Variants in CELF2 observed in about 807,000 individuals in gnomAD.
CELF2 encodes CUGBP Elav-like family member 2.
A neutral mutation model predicts 62.6 loss-of-function variants in CELF2; 8 were observed. The ratio of observed to expected loss-of-function variants is 0.13; its 90% CI spans 0.07 to 0.23. CELF2 has a LOEUF of 0.23. CELF2 is among the 10% of genes least tolerant of loss of function. CELF2 has a pLI of 1.00. For missense variants in CELF2, 333 were observed against 671.0 expected, an observed-to-expected ratio of 0.50 and a Z score of 5.56; for synonymous variants, 258 against 250.0, an observed-to-expected ratio of 1.03 and a Z score of -0.30.
intron 1 of CELF2, among the ~76,000 whole-genome samples, chr10:11,027,637 G>A (rs543991058): frequency 2.6e-5 from 4 of 152,256 alleles, no homozygotes; most frequent in African/African-American, 7.2e-5. Context: ...TGGATTGTTC[G>A]ACTTGCCCTG....
rs1271113480 is a variant in CELF2 at position 11,290,550 on chromosome 10, C to T, written c.976+1998C>T. Among the ~76,000 whole-genome samples, 9 of 151,684 alleles carry T rather than the reference C, an allele frequency of 5.9e-5. No individual in the cohort carries two copies. The highest frequency in any genetic ancestry group is 2.9e-5 in the Non-Finnish European group (2 of 67,950). On this transcript the variant is annotated intron_variant, in intron 9 of 12. Coordinates refer to ENST00000633077, the MANE Select transcript of CELF2 (RefSeq NM_001326342.2). This position sits in a 1 kb window ranked among gnomAD's most constrained non-coding sequence, Gnocchi z 4.3. ...AAAAAAAAAAAAAAAATGTGGGCCACTCAGACGGTCTAGGGCGACGGCCTA... is the reference window on the plus strand; with the variant it reads ...AAAAAAAAAAAAAAAATGTGGGCCATTCAGACGGTCTAGGGCGACGGCCTA...
chr10:11,183,368 T>C (rs983064102), intron 2 of CELF2, among the ~76,000 whole-genome samples: 1 of 152,330 alleles, frequency 6.6e-6, no homozygotes, highest in South Asian at 2.1e-4. Context: ...TGGGTTGTTG[T>C]CATTTGCTGA....
At position 10,847,205 on chromosome 10, in the gene CELF2, CAT is replaced by C. The variant is rs113383376; in HGVS notation, c.53+48401_53+48402del. 1.3e-3 allele frequency among the ~76,000 whole-genome samples: 193 copies of C among 149,032 alleles called. 1 individual carries two copies. The highest frequency in any genetic ancestry group is 6.0e-3 in the East Asian group (31 of 5,124). ...ATAATGTATGTTTTTTATATATACG[CAT>C]ATATATATATATGCACACACATCTA... On this transcript the variant is annotated intron_variant, in intron 1 of 13. Coordinates refer to the CELF2 transcript ENST00000636488.
chr10:11,124,003 T>G (rs575542696), intron 1 of CELF2, among the ~76,000 whole-genome samples: 12 of 152,208 alleles, frequency 7.9e-5, no homozygotes, highest in African/African-American at 2.9e-4. Context: ...TGAAAGTGAA[T>G]GAGGAGCAAA....
chr10:10,876,035 C>T (rs896095024), intron 1 of CELF2, among the ~76,000 whole-genome samples: 15 of 152,148 alleles, frequency 9.9e-5, no homozygotes, highest in African/African-American at 3.1e-4. Flanking sequence ...TTGCATATGG[C>T]GTTATGTGTA....
chr10:11,281,329 C>T (rs2088635208), intron 8 of CELF2, among the ~76,000 whole-genome samples: 1 of 152,158 alleles, frequency 6.6e-6, no homozygotes, highest in African/African-American at 2.4e-5. Flanking sequence ...GTTCAGGGGA[C>T]TGACGTGGGG....
intron 1 of CELF2, among the ~76,000 whole-genome samples, chr10:10,808,793 A>G (rs1334286016): frequency 6.6e-6 from 1 of 152,226 alleles, no homozygotes; most frequent in Non-Finnish European, 1.5e-5. Flanking sequence ...GAAGATTACT[A>G]AAAAGTAGAG....
chr10:10,700,639 C>G, the CELF2 span, among the ~76,000 whole-genome samples: 6 of 152,332 alleles, frequency 3.9e-5, no homozygotes, highest in East Asian at 9.7e-4. Context: ...TACTTTTACA[C>G]TCCCCACTCC....
chr10:10,804,509 A>T (rs2055005511), intron 1 of CELF2, among the ~76,000 whole-genome samples: 1 of 152,202 alleles, frequency 6.6e-6, no homozygotes, highest in African/African-American at 2.4e-5. Flanking sequence ...TTAGGAAAAA[A>T]CTTCAGAGGA....
At chr10:11,320,760 A>G (rs1235127080) in intron 10 of CELF2, 5 of 1,277,850 alleles carry the variant, frequency 3.9e-6, no homozygotes, top group South Asian at 1.3e-5. Context: ...AAGCTATCCC[A>G]TAGTTCCTCA....
At chr10:10,642,703 T>C in the CELF2 span, among the ~76,000 whole-genome samples, 2 of 152,224 alleles carry the variant, frequency 1.3e-5, no homozygotes, top group Non-Finnish European at 2.9e-5. Flanking sequence ...ATGCTTCCCC[T>C]AAAAATAGCA....
rs1485270726 is a variant in CELF2, at chr10:11,335,577, C to T, written c.*6524C>T. 1 of 152,260 alleles carries T rather than the reference C, an allele frequency of 6.6e-6. No homozygotes were observed. The highest frequency in any genetic ancestry group is 1.5e-5 in the Non-Finnish European group (1 of 68,064). The allele number at this position is 152,260 out of a possible 1,614,324, so 9.4% of individuals were successfully genotyped here. A position where few individuals can be genotyped will look rare whatever the true frequency, so the allele number is the denominator to read the frequency against. On this transcript the variant is annotated 3_prime_UTR_variant, in exon 13 of 13. Coordinates refer to ENST00000633077, the MANE Select transcript of CELF2 (RefSeq NM_001326342.2). This position sits in a 1 kb window ranked among gnomAD's most constrained non-coding sequence, Gnocchi z 5.0. ...TGATGGTGATGCCACCAGCTCCAGC[C>T]TGCACGGATGGAGCTCACTTCCTAC... is the stretch of plus-strand genomic sequence containing the variant.
chr10:10,555,808 G>A, the CELF2 span, among the ~76,000 whole-genome samples: 1 of 152,130 alleles, frequency 6.6e-6, no homozygotes, highest in Admixed American at 6.6e-5. Context: ...GTGAAGTTCA[G>A]TAAACTACAA....
At chr10:11,084,867 A>T (rs958792357) in intron 1 of CELF2, among the ~76,000 whole-genome samples, 1 of 152,222 alleles carries the variant, frequency 6.6e-6, no homozygotes, top group African/African-American at 2.4e-5. Context: ...TGCTAAGGTC[A>T]TCAGTATATA....
chr10:11,217,553 A>G lies in CELF2; in HGVS notation c.354+46A>G. On this transcript the variant is annotated intron_variant, in intron 3 of 12. Coordinates refer to ENST00000633077, the MANE Select transcript of CELF2 (RefSeq NM_001326342.2). This position sits in a 1 kb window ranked among gnomAD's most constrained non-coding sequence, Gnocchi z 5.6. ...ACCAGAATCACTTTATTGCTTGAAA[A>G]TGGTCCTTTCAACTGAAGGTTCTAG... 7.0e-6 allele frequency: 10 copies of G among 1,427,160 alleles called. No homozygotes were observed. The highest frequency in any genetic ancestry group is 9.8e-6 in the Non-Finnish European group (10 of 1,019,100). The allele number at this position is 1,427,160 out of a possible 1,614,324, so 88.4% of individuals were successfully genotyped here. A position where few individuals can be genotyped will look rare whatever the true frequency, so the allele number is the denominator to read the frequency against.
the CELF2 span, among the ~76,000 whole-genome samples, chr10:10,678,966 G>A: frequency 6.6e-6 from 1 of 152,126 alleles, no homozygotes; most frequent in Non-Finnish European, 1.5e-5. Flanking sequence ...CCAGAAAAGA[G>A]CAAATAAAAC....
chr10:10,475,519 T>A, the CELF2 span, among the ~76,000 whole-genome samples: 98 of 152,114 alleles, frequency 6.4e-4, no homozygotes, highest in African/African-American at 2.2e-3. Flanking sequence ...GATCAAGTTT[T>A]CAGGGTAGCA....
intron 9 of CELF2, among the ~76,000 whole-genome samples, chr10:11,291,154 C>T (rs577386406): frequency 6.6e-6 from 1 of 152,200 alleles, no homozygotes; most frequent in African/African-American, 2.4e-5. Flanking sequence ...GAAGGGAAGC[C>T]TCATCCCATC....
intron 1 of CELF2, among the ~76,000 whole-genome samples, chr10:11,038,431 G>A (rs964907366): frequency 6.6e-6 from 1 of 152,116 alleles, no homozygotes; most frequent in African/African-American, 2.4e-5. Context: ...TATTTCAAAC[G>A]GTAGTGCTTA....
Sources: gnomAD v4.1 joint callset for allele counts (sites outside exome capture counted in the v4.1 genomes callset) on GRCh38, gnomAD v4.1.1 for gene constraint, Gnocchi (gnomAD v3.1) non-coding constraint, MANE v1.5 for transcripts, NCBI Gene and HGNC (gene_info 2026-07-23, HGNC 2026-07-21) for gene names.